URM1: variants seen among roughly 807,000 people sequenced by gnomAD.
URM1 encodes the protein ubiquitin related modifier 1, also known as ubiquitin-related modifier 1.
A neutral mutation model predicts 17.7 loss-of-function variants in URM1; 11 were observed. The ratio of observed to expected loss-of-function variants is 0.62; its 90% CI spans 0.39 to 1.03. The LOEUF (loss-of-function observed/expected upper bound fraction) is 1.03. URM1 is among the 50% of genes least tolerant of loss of function. URM1 has a pLI of 0.00. For synonymous variants in URM1, 48 were observed against 50.6 expected, an observed-to-expected ratio of 0.95 and a Z score of 0.22; for missense variants, 128 against 129.2, an observed-to-expected ratio of 0.99 and a Z score of 0.04.
Position 128,391,093 on chromosome 9 carries a change from G to A in URM1, c.*1359G>A, listed in dbSNP as rs1326366480. The A allele has an allele frequency of 1.3e-5, 2 of 152,208 alleles. No individual in the cohort carries two copies. The highest frequency in any genetic ancestry group is 2.9e-5 in the Non-Finnish European group (2 of 68,050). The allele number at this position is 152,208 out of a possible 1,614,324, so 9.4% of individuals were successfully genotyped here. A position where few individuals can be genotyped will look rare whatever the true frequency, so the allele number is the denominator to read the frequency against. On this transcript the variant is annotated 3_prime_UTR_variant, in exon 5 of 5. Transcript: ENST00000372853. ...TGGTCTTTCCTTTCCATGACCTAGA[G>A]AAAAGAGCTTTGCTGGAGGGAGACC...
chr9:128,372,713 G>A (rs1212270395), intron 1 of URM1, among the ~76,000 whole-genome samples: 1 of 152,130 alleles, frequency 6.6e-6, no homozygotes, highest in Non-Finnish European at 1.5e-5. Flanking sequence ...GGGATTCTAG[G>A]AGGATCCCTG....
At chr9:128,379,414 G>A (rs1455352175) in intron 2 of URM1, among the ~76,000 whole-genome samples, 4 of 152,184 alleles carry the variant, frequency 2.6e-5, no homozygotes, top group Admixed American at 2.0e-4. Flanking sequence ...GAGAGGCAGA[G>A]GTTGCAGTGA....
chr9:128,372,120 C>A (rs1041906930), intron 1 of URM1, among the ~76,000 whole-genome samples: 2 of 152,196 alleles, frequency 1.3e-5, no homozygotes, highest in African/African-American at 4.8e-5. Context: ...CTACCCAAGG[C>A]ACTATTTGTG....
intron 2 of URM1, among the ~76,000 whole-genome samples, chr9:128,380,472 G>A (rs565558495): frequency 6.6e-6 from 1 of 152,210 alleles, no homozygotes; most frequent in South Asian, 2.1e-4. Context: ...TTTGACAGAT[G>A]GCCATGCAGC....
In URM1 at chr9:128,390,781, C is replaced by G. The variant is rs898065533; in HGVS notation, c.*1047C>G. 1 of 152,520 alleles carries G rather than the reference C, an allele frequency of 6.6e-6. No homozygotes were observed. The highest frequency in any genetic ancestry group is 1.5e-5 in the Non-Finnish European group (1 of 68,072). 9.4% of individuals were successfully genotyped at this position (152,520 alleles called of 1,614,324 possible). The stretch of plus-strand genomic sequence containing the variant: ...TTGGAAACGGGTGGCACCTCATATC[C>G]CCCCAGCCGTGGTCTGTGATACAAC... On this transcript the variant is annotated 3_prime_UTR_variant, in exon 5 of 5. Coordinates refer to ENST00000372853, the MANE Select transcript of URM1 (RefSeq NM_030914.4).
intron 1 of URM1, 139 bp from the exon 2 acceptor site, chr9:128,377,897 A>C (rs1833098126): frequency 1.3e-6 from 1 of 769,392 alleles, no homozygotes; most frequent in Admixed American, 2.6e-5. Context: ...TAGTCACTGC[A>C]CCCAAGGTGT....
chr9:128,388,504 G>A (rs963860957), intron 3 of URM1: 13 of 986,146 alleles, frequency 1.3e-5, no homozygotes, highest in Non-Finnish European at 1.6e-5. Context: ...AAAGGTGGCC[G>A]GTGCAGTTGT....
rs570681006 is a variant in URM1, at chr9:128,378,078, A to G, written c.78A>G (p.Arg26=). Reference sequence around the variant, plus strand: ...TGTTTGACGGTATTAAGAAACATCGAGTCACTTTGCCTGGACAGGAGGAAC... The same window carrying G: ...TGTTTGACGGTATTAAGAAACATCGGGTCACTTTGCCTGGACAGGAGGAAC... The part of the protein sequence containing the change: ...ELLFDGIKKH[R]VTLPGQEEPW... Residue 26 remains arginine, a synonymous_variant, in exon 2 of 5, where the codon CGA becomes CGG. Transcript: ENST00000372853. 3 of 1,611,088 alleles carry G rather than the reference A, an allele frequency of 1.9e-6. No individual in the cohort carries two copies. Among genetic ancestry groups the G allele is most frequent in the African/African-American group, 2.7e-5 (2 of 74,778 alleles).
Position 128,387,336 on chromosome 9 carries a change from A to T in URM1, c.107-480A>T, listed in dbSNP as rs1290368363. On this transcript the variant is annotated intron_variant, in intron 2 of 4. Transcript: ENST00000372853. The surrounding 1 kb of genome is among the most constrained non-coding windows in gnomAD (Gnocchi z 4.3). ...GCTCAGCAATTGTTTTTTTCCCCTCACAAAGGGAAATATATGCAGACCCCT... is the reference window on the plus strand; with the variant it reads ...GCTCAGCAATTGTTTTTTTCCCCTCTCAAAGGGAAATATATGCAGACCCCT... Among the ~76,000 whole-genome samples, 1 of 152,166 alleles carries T rather than the reference A, an allele frequency of 6.6e-6. No individual in the cohort carries two copies. The highest frequency in any genetic ancestry group is 1.5e-5 in the Non-Finnish European group (1 of 68,026).
In URM1 at chr9:128,390,211, G is replaced by C. The variant is rs1467796568; in HGVS notation, c.*477G>C. ...CAGCCTCAATTTCCCTGTCTGTACA[G>C]CTGAGGGCTCTGCCTGTCCCCCACT... On this transcript the variant is annotated 3_prime_UTR_variant, in exon 5 of 5. Transcript: ENST00000372853. 1 of 167,200 alleles carries C rather than the reference G, an allele frequency of 6.0e-6. No individual in the cohort carries two copies. Among genetic ancestry groups the C allele is most frequent in the Admixed American group, 6.0e-5 (1 of 16,666 alleles). The allele number at this position is 167,200 out of a possible 1,614,324, so 10.4% of individuals were successfully genotyped here. A position where few individuals can be genotyped will look rare whatever the true frequency, so the allele number is the denominator to read the frequency against.
At chr9:128,379,434 G>A (rs1349457244) in intron 2 of URM1, among the ~76,000 whole-genome samples, 7 of 152,010 alleles carry the variant, frequency 4.6e-5, no homozygotes, top group African/African-American at 1.7e-4. Flanking sequence ...AACCAAGATC[G>A]CACCATTGCA....
At chr9:128,386,845 A>G (rs185014331) in intron 2 of URM1, among the ~76,000 whole-genome samples, 4 of 152,176 alleles carry the variant, frequency 2.6e-5, no homozygotes, top group Admixed American at 6.5e-5. Context: ...CTTAACCCCA[A>G]CCTGTCTGCT....
chr9:128,372,728 C>T (rs1228551113), intron 1 of URM1, among the ~76,000 whole-genome samples: 1 of 152,230 alleles, frequency 6.6e-6, no homozygotes, highest in Admixed American at 6.5e-5. Flanking sequence ...TCCCTGCTTC[C>T]TTGACAGGCC....
At chr9:128,381,685 CAAAAACA>C (rs1381590135) in intron 2 of URM1, among the ~76,000 whole-genome samples, 2 of 152,060 alleles carry the variant, frequency 1.3e-5, no homozygotes, top group Non-Finnish European at 2.9e-5. Context: ...GACTCCGTCT[CAAAAACA>C]AAAAACAAAA....
chr9:128,386,199 T>A (rs1033663965), intron 2 of URM1, among the ~76,000 whole-genome samples: 5 of 152,190 alleles, frequency 3.3e-5, no homozygotes, highest in African/African-American at 1.2e-4. Context: ...GGCTGGCTGA[T>A]GGATGTGTCA....
intron 2 of URM1, among the ~76,000 whole-genome samples, chr9:128,386,491 C>T (rs1256697938): frequency 1.3e-5 from 2 of 152,242 alleles, no homozygotes; most frequent in Non-Finnish European, 2.9e-5. Context: ...GACACTTTGC[C>T]CGTGGCCCTG....
rs371330998 is a variant in URM1, at chr9:128,387,821, A to G, written c.112A>G (p.Ile38Val). ...TLPGQEEPWD[I>V]RNLLIWIKKN... ...TTCTGTGCATTCCTTTCCAGGGGAC[A>G]TCCGGAACCTGCTCATCTGGATCAA... The change falls in exon 3 of 5, where the codon ATC (isoleucine) becomes GTC (valine). Residue 38 changes from isoleucine to valine, a missense_variant. Physicochemically the swap from Ile to Val is conservative, Grantham distance 29. Transcript: ENST00000372853. The surrounding 1 kb of genome is among the most constrained non-coding windows in gnomAD (Gnocchi z 4.3). 1.9e-6 allele frequency: 3 copies of G among 1,614,034 alleles called. No homozygotes were observed. In the African/African-American group the frequency reaches 4.0e-5, roughly 22 times the overall value.
intron 2 of URM1, among the ~76,000 whole-genome samples, chr9:128,382,092 C>T (rs1048884725): frequency 1.3e-5 from 2 of 152,186 alleles, no homozygotes; most frequent in Admixed American, 6.5e-5. Flanking sequence ...CTTCCAGCCA[C>T]TGTTCAGGGA....
intron 2 of URM1, among the ~76,000 whole-genome samples, chr9:128,381,822 C>T (rs1014885004): frequency 3.9e-5 from 6 of 152,254 alleles, no homozygotes; most frequent in African/African-American, 1.4e-4. Context: ...ATTTCAGAGT[C>T]CTGGCGCTTT....
Sources: allele counts gnomAD v4.1 joint callset (sites outside exome capture counted in the v4.1 genomes callset), GRCh38; gene constraint gnomAD v4.1.1; non-coding constraint Gnocchi (gnomAD v3.1); transcripts MANE v1.5; gene names NCBI Gene and HGNC (gene_info 2026-07-23, HGNC 2026-07-21).